PCDHA2: variants seen among roughly 807,000 people sequenced by gnomAD.
PCDHA2 encodes protocadherin alpha 2.
A neutral mutation model predicts 66.0 loss-of-function variants in PCDHA2; 58 were observed. That is an observed-to-expected ratio of 0.88 (90% CI 0.71 to 1.09). PCDHA2 has a LOEUF of 1.09. Among genes scored for constraint, PCDHA2 ranks in the 50% least tolerant of loss-of-function variants. The pLI, the probability that PCDHA2 is intolerant of heterozygous loss-of-function variation, is 0.00. For missense variants in PCDHA2, 1,267 were observed against 1,242.3 expected (o/e 1.02, Z -0.30); for synonymous variants, 634 against 554.0 (o/e 1.14, Z -2.03).
chr5:140,877,247 C>T (rs782249614), intron 1 of PCDHA2: 1 of 1,613,680 alleles, frequency 6.2e-7, no homozygotes, highest in African/African-American at 1.3e-5. Context: ...CACGTGGTGG[C>T]GAAAGTGCGC....
At chr5:140,941,197 TTCTTC>T (rs1554213863) in intron 1 of PCDHA2, among the ~76,000 whole-genome samples, 1 of 112,110 alleles carries the variant, frequency 8.9e-6, no homozygotes. Context: ...TTTTTTTTCT[TTCTTC>T]CTTTCTTTCT....
chr5:140,817,402 T>A (rs1370832974), intron 1 of PCDHA2: 2 of 152,226 alleles, frequency 1.3e-5, no homozygotes, highest in Non-Finnish European at 2.9e-5. Flanking sequence ...GTCCTTGTAT[T>A]GTTGTTGAGT....
At chr5:140,824,639 T>TTTTTTTTTTTTTTTTTTTGTTTG (rs1554130016) in intron 1 of PCDHA2, 1 of 136,788 alleles carries the variant, frequency 7.3e-6, no homozygotes. Flanking sequence ...TTTTATTTTC[T>TTTTTTTTTTTTTTTTTTTGTTTG]GTAGAGATAG....
intron 1 of PCDHA2, among the ~76,000 whole-genome samples, chr5:140,896,022 G>A (rs940712653): frequency 6.6e-6 from 1 of 152,136 alleles, no homozygotes; most frequent in East Asian, 1.9e-4. Context: ...TGTTGGCCAG[G>A]CTGGTCTCGA....
intron 1 of PCDHA2, chr5:140,883,357 T>C: frequency 6.2e-7 from 1 of 1,614,094 alleles, no homozygotes; most frequent in Non-Finnish European, 8.5e-7. Context: ...GAGAAGACAC[T>C]CAGCCTAGCG....
Position 140,802,792 on chromosome 5 carries a change from A to T in PCDHA2, c.2388+5440A>T, listed in dbSNP as rs375690529. 67 of 1,613,318 alleles carry T rather than the reference A, an allele frequency of 4.2e-5. No homozygotes were observed. Among genetic ancestry groups the T allele is most frequent in the Non-Finnish European group, 5.4e-5 (64 of 1,179,918 alleles). On this transcript the variant is annotated intron_variant, in intron 1 of 3. Transcript: ENST00000526136. ...GACCACGAGGAGCTAGAGCTGCTGC[A>T]GTTCCAGGTGAGTGCGCGCGATGCG...
chr5:140,858,010 C>A, intron 1 of PCDHA2: 2 of 1,596,490 alleles, frequency 1.3e-6, no homozygotes, highest in Middle Eastern at 3.3e-4. Flanking sequence ...AGGACCATGG[C>A]GAGCCGTCGC....
chr5:140,851,545 G>A, intron 1 of PCDHA2: 1 of 908,276 alleles, frequency 1.1e-6, no homozygotes, highest in East Asian at 1.2e-4. Context: ...GATAATTCAA[G>A]AAATGTTGAC....
chr5:140,893,135 T>C (rs1405005785), intron 1 of PCDHA2, among the ~76,000 whole-genome samples: 1 of 152,252 alleles, frequency 6.6e-6, no homozygotes, highest in Non-Finnish European at 1.5e-5. Flanking sequence ...ATTTTCTTTA[T>C]CCACTCATCT....
chr5:140,972,987 T>C (rs2096567014), intron 1 of PCDHA2, among the ~76,000 whole-genome samples: 1 of 152,044 alleles, frequency 6.6e-6, no homozygotes, highest in Admixed American at 6.6e-5. Flanking sequence ...TAAGGTAGAT[T>C]CTGTGCATTT....
intron 1 of PCDHA2, chr5:140,829,221 T>C (rs1206771984): frequency 1.9e-6 from 3 of 1,614,108 alleles, no homozygotes; most frequent in Non-Finnish European, 2.5e-6. Context: ...GTGAACGACC[T>C]CGATTCAGGT....
chr5:140,894,484 T>C (rs2064498102), intron 1 of PCDHA2, among the ~76,000 whole-genome samples: 1 of 152,002 alleles, frequency 6.6e-6, no homozygotes, highest in Admixed American at 6.5e-5. Flanking sequence ...TTTCATCTTA[T>C]AGTTTTCTTT....
intron 1 of PCDHA2, among the ~76,000 whole-genome samples, chr5:140,949,308 G>T (rs1323575169): frequency 6.6e-6 from 1 of 151,722 alleles, no homozygotes; most frequent in African/African-American, 2.4e-5. Flanking sequence ...TGGGTGTAAT[G>T]ATTTATAAAT....
At chr5:140,897,712 G>A (rs1180745180) in intron 1 of PCDHA2, among the ~76,000 whole-genome samples, 3 of 152,162 alleles carry the variant, frequency 2.0e-5, no homozygotes, top group African/African-American at 7.2e-5. Context: ...CCAGTAATGG[G>A]ATGGCTGGGT....
At chr5:140,869,751 CG>C (rs782746767) in intron 1 of PCDHA2, 1 of 1,613,134 alleles carries the variant, frequency 6.2e-7, no homozygotes, top group South Asian at 1.1e-5. Flanking sequence ...CAGCTACAGA[CG>C]GGGGAAAACC....
At chr5:140,884,456 G>T in intron 1 of PCDHA2, 2 of 1,613,768 alleles carry the variant, frequency 1.2e-6, no homozygotes, top group Non-Finnish European at 1.7e-6. Context: ...GCCCACCGAG[G>T]GCGCGTGCGC....
intron 1 of PCDHA2, chr5:140,829,368 C>A (rs2150166554): frequency 1.2e-6 from 2 of 1,614,092 alleles, no homozygotes; most frequent in African/African-American, 2.7e-5. Context: ...TTGGTGGTAA[C>A]CGCGCGGGAC....
chr5:140,856,808 C>G (rs1554149136), intron 1 of PCDHA2: 1 of 1,594,492 alleles, frequency 6.3e-7, no homozygotes. Context: ...GTATGAAAAT[C>G]AAGTGAACCA....
At chr5:140,978,694 G>A (rs1184051557) in intron 1 of PCDHA2, among the ~76,000 whole-genome samples, 1 of 152,258 alleles carries the variant, frequency 6.6e-6, no homozygotes, top group African/African-American at 2.4e-5. Context: ...GCAAGGCAAA[G>A]CCAAAGGTGG....
Sources: allele counts gnomAD v4.1 joint callset (sites outside exome capture counted in the v4.1 genomes callset), GRCh38; gene constraint gnomAD v4.1.1; transcripts MANE v1.5; gene names NCBI Gene and HGNC (gene_info 2026-07-23, HGNC 2026-07-21).